MTRES1: variants seen among roughly 807,000 people sequenced by gnomAD.
MTRES1 encodes mitochondrial transcription rescue factor 1.
A neutral mutation model predicts 17.4 loss-of-function variants in MTRES1; 11 were observed. The observed-to-expected ratio is 0.63, with a 90% CI of 0.40 to 1.05. MTRES1 has a LOEUF of 1.05. MTRES1 is among the 50% of genes least tolerant of loss of function. MTRES1 has a pLI of 0.00. For synonymous variants in MTRES1, 94 were observed against 99.6 expected (o/e 0.94, Z 0.34); for missense variants, 268 against 276.2 (o/e 0.97, Z 0.21).
chr6:107,041,959 A>C (rs1166165623), intron 2 of MTRES1, among the ~76,000 whole-genome samples: 3 of 152,212 alleles, frequency 2.0e-5, no homozygotes, highest in Non-Finnish European at 4.4e-5. Context: ...TGATATGAAT[A>C]AATGCAGCAA....
chr6:107,038,209 C>T (rs982830566), intron 1 of MTRES1, among the ~76,000 whole-genome samples: 2 of 152,112 alleles, frequency 1.3e-5, no homozygotes, highest in Non-Finnish European at 2.9e-5. Context: ...TTGGAAGTAG[C>T]TAGCTCCATG....
chr6:107,047,152 AC>A (rs1184701259), intron 3 of MTRES1, among the ~76,000 whole-genome samples: 2 of 152,286 alleles, frequency 1.3e-5, no homozygotes, highest in South Asian at 2.1e-4. Context: ...CCAGAGGCAG[AC>A]ATCATGCACA....
rs954760998 is a variant in MTRES1 at position 107,042,549 on chromosome 6, T to C, written c.471-1711T>C. ...TGGAATCAGATATCAAAAAAAGGTGTACTGATTTTTAGCTGCTTCCTCCCC... is the reference window on the plus strand; with the variant it reads ...TGGAATCAGATATCAAAAAAAGGTGCACTGATTTTTAGCTGCTTCCTCCCC... On this transcript the variant is annotated intron_variant, in intron 2 of 3. Transcript: ENST00000311381. Among the ~76,000 whole-genome samples the C allele has an allele frequency of 3.3e-5, 5 of 152,046 alleles. 1 individual carries two copies. The highest frequency in any genetic ancestry group is 1.2e-4 in the African/African-American group (5 of 41,350).
In MTRES1 at chr6:107,051,500, C is replaced by T. The variant is rs928633448; in HGVS notation, c.*264C>T. Reference sequence around the variant, plus strand: ...TGAGACGTGTGCAGAATGAACTAAGCCCCAGAGGGTTTTAATGGCTTGCCT... The same window carrying T: ...TGAGACGTGTGCAGAATGAACTAAGTCCCAGAGGGTTTTAATGGCTTGCCT... On this transcript the variant is annotated 3_prime_UTR_variant, in exon 4 of 4. Coordinates refer to ENST00000311381, the MANE Select transcript of MTRES1 (RefSeq NM_016487.5). 1.3e-5 allele frequency among the ~76,000 whole-genome samples: 2 copies of T among 152,126 alleles called. No individual in the cohort carries two copies. Among genetic ancestry groups the T allele is most frequent in the Non-Finnish European group, 2.9e-5 (2 of 68,030 alleles).
intron 1 of MTRES1, chr6:107,029,875 G>A (rs1215063011): frequency 1.6e-5 from 9 of 578,122 alleles, no homozygotes; most frequent in African/African-American, 1.1e-4. Context: ...CAAAGTGCTG[G>A]GATTATAGGC....
chr6:107,032,198 G>C (rs1212920619), intron 1 of MTRES1, among the ~76,000 whole-genome samples: 1 of 152,104 alleles, frequency 6.6e-6, no homozygotes, highest in Admixed American at 6.6e-5. Context: ...TTTTGAATGA[G>C]ACAAAAGTAA....
chr6:107,035,203 G>A (rs553950867), intron 1 of MTRES1, among the ~76,000 whole-genome samples: 40 of 151,336 alleles, frequency 2.6e-4, no homozygotes, highest in East Asian at 1.6e-3. Context: ...ACACAATCTC[G>A]GCTCACCGCA....
rs1562280513 is a variant in MTRES1, at chr6:107,040,056, A to G, written c.296A>G (p.Gln99Arg). ...ACAAAATCTACTAAAAAGTCTCTGC[A>G]AAAAGTAGATGAAGAGGACTCTGAT... is the stretch of plus-strand genomic sequence containing the variant. The part of the protein sequence containing the change: ...RSTKSTKKSL[Q>R]KVDEEDSDEE... The change falls in exon 2 of 4, where the codon CAA becomes CGA. Residue 99 changes from glutamine to arginine, a missense_variant. Coordinates refer to ENST00000311381, the MANE Select transcript of MTRES1 (RefSeq NM_016487.5). The G allele has an allele frequency of 6.2e-7, 1 of 1,613,596 alleles. No individual in the cohort carries two copies. Among genetic ancestry groups the G allele is most frequent in the East Asian group, 2.2e-5 (1 of 44,870 alleles).
chr6:107,041,031 C>T (rs1774188998), intron 2 of MTRES1: 1 of 151,472 alleles, frequency 6.6e-6, no homozygotes, highest in Non-Finnish European at 1.5e-5. Flanking sequence ...TCGAGACCAT[C>T]CTGGCTAGCA....
chr6:107,050,472 A>G (rs1774554184), intron 3 of MTRES1, among the ~76,000 whole-genome samples: 1 of 150,080 alleles, frequency 6.7e-6, no homozygotes. Flanking sequence ...GGGACTATCC[A>G]CAGCCAGCCA....
intron 1 of MTRES1, among the ~76,000 whole-genome samples, chr6:107,036,610 G>A (rs1010095829): frequency 2.6e-5 from 4 of 152,034 alleles, no homozygotes; most frequent in African/African-American, 7.2e-5. Flanking sequence ...TTGGGAGGCC[G>A]ACGCAGGCAG....
rs150769272 is a variant in MTRES1, at chr6:107,032,341, A to C, written c.-13+4070A>C. On this transcript the variant is annotated intron_variant, in intron 1 of 3. Transcript: ENST00000311381. ...ACTGCCATTTAAGTGGAATGTGGGCAAGTAAACTGACTGCCAGGGCACACA... is the reference window on the plus strand; with the variant it reads ...ACTGCCATTTAAGTGGAATGTGGGCCAGTAAACTGACTGCCAGGGCACACA... 1.5e-3 allele frequency among the ~76,000 whole-genome samples: 229 copies of C among 152,334 alleles called. 1 individual carries two copies. Among genetic ancestry groups the C allele is most frequent in the African/African-American group, 5.3e-3 (222 of 41,584 alleles).
rs782162548 is a variant in MTRES1 at position 107,051,081 on chromosome 6, C to A, written c.568C>A (p.Leu190Ile). The A allele has an allele frequency of 6.2e-7, 1 of 1,611,988 alleles. No individual in the cohort carries two copies. The change falls in exon 4 of 4, where the codon CTT becomes ATT. Residue 190 changes from leucine to isoleucine, a missense_variant. Physicochemically the swap from Leu to Ile is conservative, Grantham distance 5 (BLOSUM62 2). Transcript: ENST00000311381. ...GGTGAAAGTGGGAGATACATTGGAT[C>A]TTCTCATTGGAGAGGATAAAGAAGC... ...RTVKVGDTLD[L>I]LIGEDKEAGT...
chr6:107,034,456 C>G (rs1412941230), intron 1 of MTRES1, among the ~76,000 whole-genome samples: 1 of 20,558 alleles, frequency 4.9e-5, no homozygotes, highest in Non-Finnish European at 2.0e-4. Flanking sequence ...AGTTTTTATT[C>G]CAGAAAAAAA....
rs1774154396 is a variant in MTRES1, at chr6:107,040,197, T to A, written c.437T>A (p.Val146Asp). The A allele has an allele frequency of 3.7e-6, 6 of 1,606,418 alleles. No individual in the cohort carries two copies. The South Asian group carries it at 5.6e-5, about 15-fold the overall frequency. Residue 146 changes from valine (V) to aspartate (D), a missense_variant, in exon 2 of 4, where the codon GTT becomes GAT. Physicochemically the swap from Val to Asp is radical, Grantham distance 152. Transcript: ENST00000311381. ...EKAVQSFRYD[V>D]VLKTGLDIGR... The stretch of plus-strand genomic sequence containing the variant: ...GCAGTTCAGTCTTTTCGGTATGATG[T>A]TGTCCTGAAGACGGGGCTAGATATT...
intron 1 of MTRES1, among the ~76,000 whole-genome samples, chr6:107,029,146 C>T (rs1357537657): frequency 6.6e-6 from 1 of 151,500 alleles, no homozygotes; most frequent in Non-Finnish European, 1.5e-5. Flanking sequence ...CTGCCTCAGC[C>T]TCCCCAGCAG....
chr6:107,039,855 C>T lies in MTRES1; in HGVS notation c.95C>T (p.Ser32Leu), dbSNP rs782349492. 1.9e-6 allele frequency: 3 copies of T among 1,614,162 alleles called. No individual in the cohort carries two copies. Among genetic ancestry groups the T allele is most frequent in the East Asian group, 2.2e-5 (1 of 44,886 alleles). Residue 32 changes from serine (S) to leucine (L), a missense_variant, in exon 2 of 4, where the codon TCA becomes TTA. Coordinates refer to ENST00000311381, the MANE Select transcript of MTRES1 (RefSeq NM_016487.5). ...LWGVLRGTPS[S>L]YKLCTSWNRY... is the part of the protein sequence containing the mutation. The stretch of plus-strand genomic sequence containing the variant: ...GGTGTTCTCCGAGGGACACCTTCAT[C>T]ATACAAACTCTGTACTTCCTGGAAT...
rs547830443 is a variant in MTRES1 at position 107,044,983 on chromosome 6, G to A, written c.543+651G>A. On this transcript the variant is annotated intron_variant, in intron 3 of 3. Transcript: ENST00000311381. ...GCCAGCAGATCGCTTGAGCCCAGGA[G>A]TTGAAGACCAGCCTGGGCAACATGG... is the stretch of plus-strand genomic sequence containing the variant. Among the ~76,000 whole-genome samples, 3 of 152,120 alleles carry A rather than the reference G, an allele frequency of 2.0e-5. No individual in the cohort carries two copies. The East Asian group carries it at 5.8e-4, about 29-fold the overall frequency.
chr6:107,050,578 G>A (rs9373911), intron 3 of MTRES1, among the ~76,000 whole-genome samples: 5 of 53,206 alleles, frequency 9.4e-5, no homozygotes, highest in Non-Finnish European at 1.6e-4. Flanking sequence ...TTTTTTTTTC[G>A]TTTTTTTCGT....
Sources: gnomAD v4.1 joint callset for allele counts (sites outside exome capture counted in the v4.1 genomes callset) on GRCh38, gnomAD v4.1.1 for gene constraint, MANE v1.5 for transcripts, NCBI Gene and HGNC (gene_info 2026-07-23, HGNC 2026-07-21) for gene names.